The following TMEM163 variants were observed in gnomAD, a reference collection of about 807,000 sequenced individuals.
TMEM163 encodes the protein transmembrane protein 163.
Under a neutral mutation model 29.3 loss-of-function variants are expected in TMEM163, and 17 were observed. The ratio of observed to expected loss-of-function variants is 0.58; its 90% confidence interval spans 0.40 to 0.87. The LOEUF (loss-of-function observed/expected upper bound fraction) is 0.87, where lower values mean the gene tolerates loss of function less well. Ranked by LOEUF, TMEM163 falls within the 40% of genes least tolerant of loss-of-function variation. TMEM163 has a pLI of 0.00. For synonymous variants in TMEM163, 157 were observed against 160.6 expected, an observed-to-expected ratio of 0.98 and a Z score of 0.17; for missense variants, 303 against 381.5, an observed-to-expected ratio of 0.79 and a Z score of 1.71.
chr2:134,497,004 C>G (rs1309282731), intron 5 of TMEM163, among the ~76,000 whole-genome samples: 1 of 152,196 alleles, frequency 6.6e-6, no homozygotes, highest in African/African-American at 2.4e-5. Context: ...CCCACAACCA[C>G]CCTTCCTTCA....
intron 5 of TMEM163, among the ~76,000 whole-genome samples, chr2:134,502,580 A>G (rs1679721298): frequency 6.6e-6 from 1 of 152,184 alleles, no homozygotes; most frequent in African/African-American, 2.4e-5. Context: ...TGCAAACAAC[A>G]CAGATTGGAT....
At chr2:134,521,492 G>A (rs1680188821) in intron 4 of TMEM163, among the ~76,000 whole-genome samples, 1 of 152,150 alleles carries the variant, frequency 6.6e-6, no homozygotes, top group Admixed American at 6.5e-5. Context: ...AAAGCCTCCT[G>A]ACAACAAAGA....
chr2:134,710,745 T>G (rs953746319), intron 2 of TMEM163, among the ~76,000 whole-genome samples: 1 of 151,932 alleles, frequency 6.6e-6, no homozygotes, highest in Non-Finnish European at 1.5e-5. Context: ...TTTTTCACCA[T>G]CCAACAGTAG....
chr2:134,571,646 G>T (rs1681434976), intron 2 of TMEM163, among the ~76,000 whole-genome samples: 1 of 152,166 alleles, frequency 6.6e-6, no homozygotes, highest in South Asian at 2.1e-4. Flanking sequence ...AGGATATAAA[G>T]CTAAATCGGC....
At chr2:134,621,284 T>C (rs1200315272) in intron 2 of TMEM163, among the ~76,000 whole-genome samples, 2 of 152,180 alleles carry the variant, frequency 1.3e-5, no homozygotes, top group East Asian at 3.8e-4. Context: ...ACTACTACAA[T>C]ACTCATTAGC....
At chr2:134,510,949 C>T (rs1207524031) in intron 4 of TMEM163, among the ~76,000 whole-genome samples, 2 of 152,148 alleles carry the variant, frequency 1.3e-5, no homozygotes, top group African/African-American at 4.8e-5. Flanking sequence ...GTACACTGCA[C>T]AGGGAATGCA....
At chr2:134,658,679 C>A (rs1683677517) in intron 2 of TMEM163, among the ~76,000 whole-genome samples, 1 of 152,068 alleles carries the variant, frequency 6.6e-6, no homozygotes, top group African/African-American at 2.4e-5. Flanking sequence ...CTCACTGCAA[C>A]CTCTGCCTCC....
intron 2 of TMEM163, among the ~76,000 whole-genome samples, chr2:134,651,485 T>G (rs1574311121): frequency 9.3e-6 from 1 of 107,032 alleles, no homozygotes; most frequent in African/African-American, 4.9e-5. Context: ...TTTCTCCCAT[T>G]TTGTAGGTTG....
chr2:134,515,301 G>A lies in TMEM163; in HGVS notation c.459-12304C>T, dbSNP rs142007876. ...GTCTCTGAACTCTCACACGGGGTCT[G>A]AAGCATCCAGCCACTCTTCTGCTCT... On this transcript the variant is annotated intron_variant, in intron 4 of 7. Coordinates refer to ENST00000281924, the MANE Select transcript of TMEM163 (RefSeq NM_030923.5). 1.1e-4 allele frequency among the ~76,000 whole-genome samples: 16 copies of A among 152,244 alleles called. 2 individuals are homozygous for A. The highest frequency in any genetic ancestry group is 3.9e-4 in the African/African-American group (16 of 41,534).
At chr2:134,568,580 A>AAAAGAAGGAAAAGAAAAAGG (rs1681349786) in intron 2 of TMEM163, among the ~76,000 whole-genome samples, 1 of 151,514 alleles carries the variant, frequency 6.6e-6, no homozygotes, top group Non-Finnish European at 1.5e-5. Flanking sequence ...AAAGAAAAAG[A>AAAAGAAGGAAAAGAAAAAGG]AAAGAAGGAA....
At chr2:134,471,808 G>C (rs1044488241) in intron 5 of TMEM163, among the ~76,000 whole-genome samples, 1 of 152,220 alleles carries the variant, frequency 6.6e-6, no homozygotes, top group African/African-American at 2.4e-5. Context: ...CAGTTGGAGA[G>C]AGGCTAAATG....
intron 2 of TMEM163, among the ~76,000 whole-genome samples, chr2:134,604,120 G>C (rs961444127): frequency 4.6e-5 from 7 of 152,064 alleles, no homozygotes; most frequent in Non-Finnish European, 1.0e-4. Flanking sequence ...TCCGCTGTCA[G>C]ATTAACTTCT....
chr2:134,716,722 C>A (rs912636581), intron 1 of TMEM163, among the ~76,000 whole-genome samples: 1 of 152,122 alleles, frequency 6.6e-6, no homozygotes, highest in Non-Finnish European at 1.5e-5. Flanking sequence ...TGGAAAAATG[C>A]AGCCCCATAA....
intron 2 of TMEM163, among the ~76,000 whole-genome samples, chr2:134,636,709 T>G (rs910319063): frequency 6.6e-6 from 1 of 152,254 alleles, no homozygotes; most frequent in African/African-American, 2.4e-5. Flanking sequence ...TTAGGAGTCA[T>G]GCAGCTGGAG....
chr2:134,491,272 G>A (rs764501258), intron 5 of TMEM163, among the ~76,000 whole-genome samples: 3 of 152,160 alleles, frequency 2.0e-5, no homozygotes, highest in South Asian at 2.1e-4. Flanking sequence ...AGAGATGAGC[G>A]TGTCTCCCTC....
chr2:134,577,477 G>C (rs1424109263), intron 2 of TMEM163, among the ~76,000 whole-genome samples: 1 of 152,206 alleles, frequency 6.6e-6, no homozygotes, highest in East Asian at 1.9e-4. Context: ...TCCTCGCTGA[G>C]GGCTGCAGTG....
At chr2:134,689,476 C>G (rs1684416267) in intron 2 of TMEM163, among the ~76,000 whole-genome samples, 1 of 152,204 alleles carries the variant, frequency 6.6e-6, no homozygotes, top group African/African-American at 2.4e-5. Context: ...TTGGACAGCA[C>G]TGGTCTAGGG....
rs755434493 is a variant in TMEM163, at chr2:134,497,590, ATCT to A, written c.555+5308_555+5310del. Among the ~76,000 whole-genome samples, 5 of 152,282 alleles carry A rather than the reference ATCT, an allele frequency of 3.3e-5. No homozygotes were observed. In the South Asian group the frequency reaches 1.0e-3, roughly 32 times the overall value. On this transcript the variant is annotated intron_variant, in intron 5 of 7. Transcript: ENST00000281924. ...GAACCTTAAATTTAGAAACAATATC[ATCT>A]TCTTCCTTTGTAAAGCGTGCGACTG...
intron 4 of TMEM163, among the ~76,000 whole-genome samples, chr2:134,546,568 C>T (rs1443205567): frequency 2.0e-5 from 3 of 150,122 alleles, no homozygotes; most frequent in Non-Finnish European, 3.0e-5. Flanking sequence ...GGCATGAACC[C>T]GGGAGGCGGA....
Sources: allele counts gnomAD v4.1 joint callset (sites outside exome capture counted in the v4.1 genomes callset), GRCh38; gene constraint gnomAD v4.1.1; transcripts MANE v1.5; gene names NCBI Gene and HGNC (gene_info 2026-07-23, HGNC 2026-07-21).